Variants in PTPRC observed in about 807,000 individuals in gnomAD.
The protein encoded by PTPRC is protein tyrosine phosphatase receptor type C, also known as receptor-type tyrosine-protein phosphatase C.
PTPRC carries 44 observed loss-of-function variants against 155.9 expected under a neutral mutation model. That is an observed-to-expected ratio of 0.28 (90% CI 0.22 to 0.36). The LOEUF is 0.36. Among genes scored for constraint, PTPRC ranks in the 10% least tolerant of loss-of-function variants. PTPRC has a pLI of 1.00. For synonymous variants in PTPRC, 525 were observed against 533.1 expected (o/e 0.98, Z 0.21); for missense variants, 1,401 against 1,564.6 (o/e 0.90, Z 1.76).
intron 21 of PTPRC, 37 bp from the exon 22 acceptor site, chr1:198,734,291 A>T (rs1291722772): frequency 8.7e-6 from 14 of 1,609,960 alleles, no homozygotes; most frequent in East Asian, 2.2e-5. Context: ...CTTTTAAGAA[A>T]ATTTTTCTTA....
At chr1:198,694,652 T>C (rs1666104096) in intron 3 of PTPRC, 14 of 983,604 alleles carry the variant, frequency 1.4e-5, no homozygotes, top group Non-Finnish European at 1.6e-5. Flanking sequence ...AATTAATAAT[T>C]ATCAAGTCTA....
intron 20 of PTPRC, among the ~76,000 whole-genome samples, chr1:198,733,427 C>T (rs546205244): frequency 4.0e-5 from 6 of 151,634 alleles, no homozygotes; most frequent in Admixed American, 6.6e-5. Flanking sequence ...TGAATGTATG[C>T]GCAATAATGT....
At chr1:198,747,818 A>G (rs182868279) in intron 26 of PTPRC, among the ~76,000 whole-genome samples, 65 of 152,018 alleles carry the variant, frequency 4.3e-4, no homozygotes, top group African/African-American at 1.5e-3. Flanking sequence ...TAGTGGTTTC[A>G]ATTTATATAA....
chr1:198,688,991 C>T (rs969248882), intron 2 of PTPRC, among the ~76,000 whole-genome samples: 2 of 152,034 alleles, frequency 1.3e-5, no homozygotes, highest in Non-Finnish European at 2.9e-5. Context: ...AAAACATAAG[C>T]AAAAGACTTA....
chr1:198,699,800 G>A, intron 5 of PTPRC, 96 bp downstream of exon 5: 1 of 1,502,712 alleles, frequency 6.7e-7, no homozygotes, highest in Non-Finnish European at 9.3e-7. Context: ...CTTATTCAAT[G>A]TGCAGCTATT....
chr1:198,697,218 C>T (rs1333138424), intron 4 of PTPRC, among the ~76,000 whole-genome samples: 1 of 152,148 alleles, frequency 6.6e-6, no homozygotes, highest in Admixed American at 6.5e-5. Context: ...TGGCTTCCCG[C>T]CACCTGGACA....
Position 198,735,215 on chromosome 1 carries a change from G to A in PTPRC, c.2366G>A (p.Cys789Tyr). Residue 789 changes from cysteine (C) to tyrosine (Y), a missense_variant, in exon 23 of 33, where the codon TGT becomes TAT. Physicochemically the swap from Cys to Tyr is radical, Grantham distance 194. This residue lies in a region of PTPRC where 867 missense variants were observed against 970.4 expected (regional missense o/e 0.89). Transcript: ENST00000442510. ...GTAAAGATCAACCAGCACAAAAGAT[G>A]TCCAGATTACATCATTCAGAAATTG... ...VVVKINQHKRCPDYIIQKLNI... is the reference protein window; with the variant it reads ...VVVKINQHKRYPDYIIQKLNI... 1 of 1,603,622 alleles carries A rather than the reference G, an allele frequency of 6.2e-7. No homozygotes were observed. The highest frequency in any genetic ancestry group is 8.5e-7 in the Non-Finnish European group (1 of 1,173,768).
chr1:198,718,081 T>C lies in PTPRC; in HGVS notation c.1451-13T>C. ...TTAAATTATTAATAACAAATCTTTC[T>C]TCATTTTGATAGCTCCAAGCCAGGT... is the stretch of plus-strand genomic sequence containing the variant. On this transcript the variant is annotated splice_polypyrimidine_tract_variant and intron_variant, in intron 13 of 32. Coordinates refer to ENST00000442510, the MANE Select transcript of PTPRC (RefSeq NM_002838.5). 1 of 1,587,130 alleles carries C rather than the reference T, an allele frequency of 6.3e-7. No individual in the cohort carries two copies. The highest frequency in any genetic ancestry group is 8.7e-7 in the Non-Finnish European group (1 of 1,155,444).
intron 29 of PTPRC, 50 bp downstream of exon 29, chr1:198,750,676 A>G (rs910186509): frequency 5.3e-5 from 84 of 1,595,422 alleles, no homozygotes; most frequent in Non-Finnish European, 6.4e-5. Context: ...ATAAAACGTC[A>G]TTCTCTAGTC....
chr1:198,685,477 T>C (rs1665569339), intron 2 of PTPRC, among the ~76,000 whole-genome samples: 1 of 151,986 alleles, frequency 6.6e-6, no homozygotes, highest in African/African-American at 2.4e-5. Context: ...GATAAGCTAA[T>C]GGAGGGTAGA....
chr1:198,643,021 A>G (rs1662722933), intron 2 of PTPRC, among the ~76,000 whole-genome samples: 1 of 149,482 alleles, frequency 6.7e-6, no homozygotes, highest in African/African-American at 2.5e-5. Flanking sequence ...AACAGGAGGT[A>G]GTTTTAACAC....
At chr1:198,723,993 G>T (rs1654011840) in intron 15 of PTPRC, among the ~76,000 whole-genome samples, 1 of 152,182 alleles carries the variant, frequency 6.6e-6, no homozygotes, top group Non-Finnish European at 1.5e-5. Context: ...TACTTCCCAT[G>T]AGGACAATAG....
chr1:198,675,558 G>A (rs1350667371), intron 2 of PTPRC, among the ~76,000 whole-genome samples: 1 of 151,938 alleles, frequency 6.6e-6, no homozygotes, highest in Non-Finnish European at 1.5e-5. Context: ...CCTCCCCTAA[G>A]GTTTCCCATA....
chr1:198,737,948 C>A (rs373529014), intron 23 of PTPRC, among the ~76,000 whole-genome samples: 47 of 151,550 alleles, frequency 3.1e-4, no homozygotes, highest in African/African-American at 1.1e-3. Context: ...TTCTTGATTT[C>A]TTTTTCAGAT....
chr1:198,750,044 T>TAA (rs58377610), intron 28 of PTPRC, among the ~76,000 whole-genome samples: 34,211 of 151,772 alleles, frequency 0.23, 4,813 homozygotes, highest in African/African-American at 0.39. Context: ...ATTTATACAC[T>TAA]GTTGGATTTA....
intron 4 of PTPRC, among the ~76,000 whole-genome samples, chr1:198,698,622 A>T (rs1666320897): frequency 6.6e-6 from 1 of 152,012 alleles, no homozygotes; most frequent in Non-Finnish European, 1.5e-5. Context: ...AAATTTAATT[A>T]TGTAATTTTA....
rs1349086882 is a variant in PTPRC at position 198,732,486 on chromosome 1, A to G, written c.2072A>G (p.Tyr691Cys). Residue 691 changes from tyrosine (Y) to cysteine (C), a missense_variant, in exon 20 of 33, where the codon TAT becomes TGT. By Grantham distance (194) the Tyr-to-Cys change is radical (BLOSUM62 -2). This residue lies in a region of PTPRC where 867 missense variants were observed against 970.4 expected (regional missense o/e 0.89). Coordinates refer to ENST00000442510, the MANE Select transcript of PTPRC (RefSeq NM_002838.5). The part of the protein sequence containing the change: ...NRYVDILPYD[Y>C]NRVELSEING... ...TTTTCTTTTCCTTAAACAGATGATT[A>G]TAACCGTGTTGAACTCTCTGAGATA... 1.2e-6 allele frequency: 2 copies of G among 1,610,746 alleles called. No individual in the cohort carries two copies. The highest frequency in any genetic ancestry group is 1.3e-5 in the African/African-American group (1 of 74,790).
At chr1:198,679,971 C>T (rs556446446) in intron 2 of PTPRC, 12 of 623,958 alleles carry the variant, frequency 1.9e-5, no homozygotes, top group Middle Eastern at 8.3e-4. Context: ...CGACATGCAG[C>T]GAGTGCTGCG....
At chr1:198,697,059 G>A (rs1240162314) in intron 4 of PTPRC, 150 bp downstream of exon 4, 1 of 784,290 alleles carries the variant, frequency 1.3e-6, no homozygotes. Context: ...ATTAGTATCT[G>A]TGAAATATAG....
Sources: gnomAD v4.1 joint callset for allele counts (sites outside exome capture counted in the v4.1 genomes callset) on GRCh38, gnomAD v4.1.1 for gene constraint, gnomAD v4.1.1 regional missense constraint, MANE v1.5 for transcripts, NCBI Gene and HGNC (gene_info 2026-07-23, HGNC 2026-07-21) for gene names.